RCL1: variants seen among roughly 807,000 people sequenced by gnomAD.
RCL1 encodes RNA terminal phosphate cyclase like 1.
In RCL1, 24 loss-of-function variants were observed where a neutral mutation model predicts 42.4. The ratio of observed to expected loss-of-function variants is 0.57; its 90% CI spans 0.41 to 0.80. The LOEUF is 0.80. RCL1 is among the 30% of genes least tolerant of loss of function. The pLI is 0.00. For missense variants in RCL1, 578 were observed against 467.9 expected (o/e 1.24, Z -2.17); for synonymous variants, 228 against 177.3 (o/e 1.29, Z -2.27).
At chr9:4,839,839 A>G (rs1222576613) in intron 5 of RCL1, 3 of 985,086 alleles carry the variant, frequency 3.0e-6, no homozygotes, top group Non-Finnish European at 3.6e-6. Flanking sequence ...CAAAATGTGC[A>G]TATGTGAAGA....
At chr9:4,809,829 G>C (rs1011240874) in intron 1 of RCL1, among the ~76,000 whole-genome samples, 2 of 151,470 alleles carry the variant, frequency 1.3e-5, no homozygotes, top group African/African-American at 4.9e-5. Context: ...CTTTTTGTTT[G>C]TTTTCAAGAT....
chr9:4,849,404 T>C (rs1486914337), intron 7 of RCL1, 43 bp from the exon 8 acceptor site: 5 of 1,490,874 alleles, frequency 3.4e-6, no homozygotes, highest in Admixed American at 1.7e-5. Flanking sequence ...TTTTGTTGGC[T>C]TTCCATTTTC....
chr9:4,850,408 G>A (rs754393752), intron 8 of RCL1: 1 of 511,154 alleles, frequency 2.0e-6, no homozygotes. Flanking sequence ...GAGGACTGCG[G>A]TGGGGCTATG....
intron 5 of RCL1, among the ~76,000 whole-genome samples, chr9:4,835,685 T>A (rs1817100434): frequency 6.6e-6 from 1 of 152,188 alleles, no homozygotes. Context: ...AAAGCCCAGG[T>A]GCTGGAGTCA....
chr9:4,825,278 C>T (rs899909855), intron 2 of RCL1, among the ~76,000 whole-genome samples: 2 of 152,144 alleles, frequency 1.3e-5, no homozygotes, highest in Non-Finnish European at 2.9e-5. Flanking sequence ...TAATTTTCCG[C>T]ATCAGAGTAG....
intron 4 of RCL1, 74 bp from the exon 5 acceptor site, chr9:4,834,067 C>G (rs2131014267): frequency 2.0e-6 from 3 of 1,530,132 alleles, no homozygotes; most frequent in South Asian, 2.4e-5. Flanking sequence ...TGGTGTAAAC[C>G]TTCCTGGGCA....
rs371362086 is a variant in RCL1, at chr9:4,851,401, G to A, written c.971+1851G>A. Among the ~76,000 whole-genome samples the A allele has an allele frequency of 7.5e-4, 115 of 152,320 alleles. 3 individuals carry two copies. The South Asian group carries it at 0.017, about 23-fold the overall frequency. On this transcript the variant is annotated intron_variant, in intron 8 of 8. Transcript: ENST00000381750. ...TTTTTGGTAAGCTAGCATAAAGACA[G>A]GTAAGGGAGTCTATTTTCAAGAAAG...
chr9:4,793,278 C>A, intron 1 of RCL1, 51 bp downstream of exon 1: 1 of 1,535,028 alleles, frequency 6.5e-7, no homozygotes, highest in Non-Finnish European at 8.8e-7. Flanking sequence ...TGAGGGGAGA[C>A]CGAGCTGATG....
chr9:4,793,060 G>T lies in RCL1; in HGVS notation c.-32G>T, dbSNP rs766372760. 6.3e-7 allele frequency: 1 copy of T among 1,595,486 alleles called. No homozygotes were observed. The highest frequency in any genetic ancestry group is 1.4e-5 in the African/African-American group (1 of 73,712). On this transcript the variant is annotated 5_prime_UTR_variant, in exon 1 of 9. Coordinates refer to ENST00000381750, the MANE Select transcript of RCL1 (RefSeq NM_005772.5). ...GCGTCTGTCCGAAGTCGCCGCTCTC[G>T]GGCTGCTCACGTCTCTTCGGAGAGC...
At chr9:4,806,637 T>C (rs941098254) in intron 1 of RCL1, among the ~76,000 whole-genome samples, 5 of 146,368 alleles carry the variant, frequency 3.4e-5, no homozygotes, top group African/African-American at 7.8e-5. Context: ...CACACACATA[T>C]ACTTACATAT....
intron 1 of RCL1, among the ~76,000 whole-genome samples, chr9:4,816,869 T>A (rs760117986): frequency 5.9e-5 from 9 of 152,190 alleles, no homozygotes; most frequent in Non-Finnish European, 1.2e-4. Context: ...CAGGCCGGAG[T>A]GCAGTGGCGC....
At chr9:4,823,423 G>T in intron 1 of RCL1, 125 bp from the exon 2 acceptor site, 2 of 657,984 alleles carry the variant, frequency 3.0e-6, no homozygotes, top group East Asian at 5.7e-5. Context: ...GAAAGCCCAG[G>T]TGTGATGCAG....
At chr9:4,825,423 C>G (rs1816728970) in intron 2 of RCL1, among the ~76,000 whole-genome samples, 1 of 152,070 alleles carries the variant, frequency 6.6e-6, no homozygotes, top group African/African-American at 2.4e-5. Context: ...TTTTGTGGCC[C>G]TTACAACTAT....
intron 1 of RCL1, among the ~76,000 whole-genome samples, chr9:4,816,482 G>C (rs1816382583): frequency 6.6e-6 from 1 of 152,128 alleles, no homozygotes; most frequent in African/African-American, 2.4e-5. Flanking sequence ...CTGAGAAATA[G>C]ATACCAAATT....
At chr9:4,837,779 A>C (rs960826331) in intron 5 of RCL1, among the ~76,000 whole-genome samples, 2 of 152,240 alleles carry the variant, frequency 1.3e-5, no homozygotes, top group South Asian at 4.2e-4. Flanking sequence ...ATGTTCTTGG[A>C]ACCTTCCCTG....
intron 1 of RCL1, among the ~76,000 whole-genome samples, chr9:4,814,707 C>T (rs1382530357): frequency 2.0e-5 from 3 of 151,962 alleles, no homozygotes; most frequent in African/African-American, 7.3e-5. Context: ...TGTATTTGTT[C>T]TACCAGTGAG....
intron 1 of RCL1, among the ~76,000 whole-genome samples, chr9:4,820,253 G>C (rs1439946867): frequency 6.6e-6 from 1 of 152,118 alleles, no homozygotes; most frequent in Non-Finnish European, 1.5e-5. Flanking sequence ...GAGGTGAATG[G>C]GCAAGGAATT....
intron 8 of RCL1, among the ~76,000 whole-genome samples, chr9:4,859,662 G>C (rs1818091563): frequency 6.6e-6 from 1 of 152,112 alleles, no homozygotes; most frequent in African/African-American, 2.4e-5. Flanking sequence ...TCTTTGTATA[G>C]GCCACTCAAA....
intron 2 of RCL1, among the ~76,000 whole-genome samples, chr9:4,824,926 G>C (rs967626207): frequency 1.3e-5 from 2 of 152,110 alleles, no homozygotes; most frequent in Non-Finnish European, 2.9e-5. Context: ...TTTTGTGTCT[G>C]TGTGAGACGG....
Sources: allele counts gnomAD v4.1 joint callset (sites outside exome capture counted in the v4.1 genomes callset), GRCh38; gene constraint gnomAD v4.1.1; transcripts MANE v1.5; gene names NCBI Gene and HGNC (gene_info 2026-07-23, HGNC 2026-07-21).